The following SNX24 variants were observed in gnomAD, a reference collection of about 807,000 sequenced individuals.
SNX24 encodes the protein sorting nexin 24.
In SNX24, 22 loss-of-function variants were observed where a neutral mutation model predicts 28.7. The observed-to-expected ratio is 0.77, with a 90% confidence interval of 0.55 to 1.10. The LOEUF (loss-of-function observed/expected upper bound fraction) is 1.10. SNX24 is among the 50% of genes least tolerant of loss of function. The pLI is 0.00. For synonymous variants in SNX24, 69 were observed against 71.5 expected (o/e 0.96, Z 0.18); for missense variants, 221 against 201.1 (o/e 1.10, Z -0.60).
In SNX24 at chr5:122,931,019, G is replaced by A. The variant is rs147122782; in HGVS notation, c.61-5715G>A. Among the ~76,000 whole-genome samples the A allele has an allele frequency of 2.7e-3, 409 of 152,260 alleles. 2 individuals carry two copies. The highest frequency in any genetic ancestry group is 9.4e-3 in the African/African-American group (390 of 41,552). On this transcript the variant is annotated intron_variant, in intron 1 of 6. Transcript: ENST00000261369. ...TCCCAGTTTCCAAAAACCTCTATCT[G>A]CAACATTAAGTGAGGGCTTACTATA...
chr5:123,004,825 G>A (rs116530640), intron 6 of SNX24, among the ~76,000 whole-genome samples: 2,004 of 152,206 alleles, frequency 0.013, 42 homozygotes, highest in African/African-American at 0.031. Flanking sequence ...TGAATGCCAC[G>A]GCTTCAGAGA....
chr5:122,968,188 T>G (rs1346751863), intron 3 of SNX24, among the ~76,000 whole-genome samples: 1 of 152,056 alleles, frequency 6.6e-6, no homozygotes, highest in Non-Finnish European at 1.5e-5. Context: ...CTACTAAAAA[T>G]ACAAAAGTTA....
At chr5:122,964,034 A>G (rs954249239) in intron 3 of SNX24, among the ~76,000 whole-genome samples, 1 of 152,028 alleles carries the variant, frequency 6.6e-6, no homozygotes, top group African/African-American at 2.4e-5. Flanking sequence ...CAAGGTCAGG[A>G]GTTCGAGAGC....
intron 3 of SNX24, among the ~76,000 whole-genome samples, chr5:122,989,471 C>T (rs1195062050): frequency 8.9e-6 from 1 of 112,882 alleles, no homozygotes. Context: ...CATCCAGTCA[C>T]TTCTTCTGAC....
intron 1 of SNX24, among the ~76,000 whole-genome samples, chr5:122,867,634 T>A (rs1479109040): frequency 6.6e-6 from 1 of 152,210 alleles, no homozygotes; most frequent in East Asian, 1.9e-4. Context: ...ATGAGCCCAT[T>A]TGTGTGATGA....
chr5:122,976,872 G>C (rs907532163), intron 3 of SNX24, among the ~76,000 whole-genome samples: 1 of 152,156 alleles, frequency 6.6e-6, no homozygotes, highest in Non-Finnish European at 1.5e-5. Flanking sequence ...GCATGGCAGC[G>C]GTTTGTTTGC....
At chr5:122,987,852 C>T (rs1761670324) in intron 3 of SNX24, among the ~76,000 whole-genome samples, 1 of 152,040 alleles carries the variant, frequency 6.6e-6, no homozygotes, top group Non-Finnish European at 1.5e-5. Flanking sequence ...GTTTGCATAC[C>T]AAGTCTATAG....
At chr5:122,959,921 C>A (rs1221382730) in intron 3 of SNX24, among the ~76,000 whole-genome samples, 2 of 152,148 alleles carry the variant, frequency 1.3e-5, no homozygotes, top group Non-Finnish European at 2.9e-5. Flanking sequence ...ATAGCAGAAT[C>A]TCTGAATGAT....
chr5:123,014,579 G>C (rs891346988), intron 5 of SNX24, among the ~76,000 whole-genome samples: 3 of 152,026 alleles, frequency 2.0e-5, no homozygotes, highest in Non-Finnish European at 2.9e-5. Context: ...CATCTCACTT[G>C]ATTAAACCAA....
chr5:122,990,593 C>A (rs1024262925), intron 3 of SNX24, among the ~76,000 whole-genome samples: 3 of 152,180 alleles, frequency 2.0e-5, no homozygotes, highest in South Asian at 2.1e-4. Context: ...ACTTTAAAAA[C>A]ATCAATTCAT....
In SNX24 at chr5:123,007,835, A is replaced by C. The variant is rs1217953965; in HGVS notation, c.*86A>C. The C allele has an allele frequency of 6.4e-7, 1 of 1,554,558 alleles. No homozygotes were observed. Among genetic ancestry groups the C allele is most frequent in the Non-Finnish European group, 8.6e-7 (1 of 1,157,384 alleles). ...TACCTACCAATTTAACCTAAACGCT[A>C]TGATATATAACAGCTCTAGCTAGTG... On this transcript the variant is annotated 3_prime_UTR_variant, in exon 7 of 7. Transcript: ENST00000261369.
In SNX24 at chr5:122,891,173, T is replaced by G. The variant is rs1266011458; in HGVS notation, c.60+45480T>G. 4 of 1,408,140 alleles carry G rather than the reference T, an allele frequency of 2.8e-6. No individual in the cohort carries two copies. The African/African-American group carries it at 4.4e-5, about 16-fold the overall frequency. The allele number at this position is 1,408,140 out of a possible 1,614,324, so 87.2% of individuals were successfully genotyped here. ...TTACCTAGTGTTTTTTTGTTTTTTG[T>G]TTTTTTTCCTAAGTAGTTTATTTTT... On this transcript the variant is annotated intron_variant, in intron 1 of 6. Coordinates refer to ENST00000261369, the MANE Select transcript of SNX24 (RefSeq NM_014035.4).
chr5:122,865,613 A>G (rs924905542), intron 1 of SNX24, among the ~76,000 whole-genome samples: 4 of 152,250 alleles, frequency 2.6e-5, no homozygotes, highest in African/African-American at 7.2e-5. Context: ...TACTGGAATT[A>G]CAGGCATGAG....
chr5:122,910,371 A>G (rs1757826677), intron 1 of SNX24, among the ~76,000 whole-genome samples: 1 of 152,138 alleles, frequency 6.6e-6, no homozygotes, highest in South Asian at 2.1e-4. Context: ...TTTCAGGACC[A>G]ATGTTATTAG....
At chr5:122,922,701 C>T (rs1004619846) in intron 1 of SNX24, among the ~76,000 whole-genome samples, 4 of 152,166 alleles carry the variant, frequency 2.6e-5, no homozygotes, top group African/African-American at 9.7e-5. Flanking sequence ...TACAATTTTT[C>T]CCCCAGTGGT....
intron 6 of SNX24, among the ~76,000 whole-genome samples, chr5:123,004,557 T>C (rs1762356036): frequency 6.6e-6 from 1 of 152,200 alleles, no homozygotes; most frequent in Non-Finnish European, 1.5e-5. Flanking sequence ...GTGGCCTGCC[T>C]ACCACGTGTA....
intron 1 of SNX24, among the ~76,000 whole-genome samples, chr5:122,927,816 A>G (rs988293701): frequency 1.1e-4 from 16 of 152,204 alleles, no homozygotes; most frequent in African/African-American, 3.6e-4. Context: ...AGAGTTGTCA[A>G]CTCAGTCCTC....
intron 1 of SNX24, among the ~76,000 whole-genome samples, chr5:122,862,918 T>C (rs1489420264): frequency 6.6e-6 from 1 of 152,032 alleles, no homozygotes; most frequent in Non-Finnish European, 1.5e-5. Context: ...AAGATATACA[T>C]ATAAAGTTCA....
chr5:122,853,657 A>C (rs1755040593), intron 1 of SNX24: 1 of 373,004 alleles, frequency 2.7e-6, no homozygotes, highest in African/African-American at 2.1e-5. Context: ...GTATTTTAAA[A>C]AATTTTTTTC....
Sources: allele counts gnomAD v4.1 joint callset (sites outside exome capture counted in the v4.1 genomes callset), GRCh38; gene constraint gnomAD v4.1.1; transcripts MANE v1.5; gene names NCBI Gene and HGNC (gene_info 2026-07-23, HGNC 2026-07-21).